EIF4EBP2: variants seen among roughly 807,000 people sequenced by gnomAD.
EIF4EBP2 encodes eukaryotic translation initiation factor 4E binding protein 2.
EIF4EBP2 carries 5 observed loss-of-function variants against 10.3 expected under a neutral mutation model. That is an observed-to-expected ratio of 0.48 (90% confidence interval 0.25 to 1.02). The LOEUF (loss-of-function observed/expected upper bound fraction) is 1.02, where lower values mean the gene tolerates loss of function less well. EIF4EBP2 is among the 50% of genes least tolerant of loss of function. The probability of loss-of-function intolerance (pLI) is 0.15; values close to 1 mark genes in which losing one functional copy is unlikely to be tolerated. For synonymous variants in EIF4EBP2, 67 were observed against 61.1 expected (o/e 1.10, Z -0.45); for missense variants, 188 against 162.2 (o/e 1.16, Z -0.86).
chr10:70,404,163 C>CGCCGCTGCT lies in EIF4EBP2; in HGVS notation c.-228_-220dup, dbSNP rs925643961. Among the ~76,000 whole-genome samples the CGCCGCTGCT allele has an allele frequency of 5.6e-4, 86 of 152,224 alleles. No homozygotes were observed. The highest frequency in any genetic ancestry group is 1.0e-3 in the South Asian group (5 of 4,834). ...TTCGCCCGCTTCCGGTCGTCGTCGTCGCCGCTGCTGCCGCTGCTGTTGCTC... is the reference window on the plus strand; with the variant it reads ...TTCGCCCGCTTCCGGTCGTCGTCGTCGCCGCTGCTGCCGCTGCTGCCGCTGCTGTTGCTC... On this transcript the variant is annotated 5_prime_UTR_variant, in exon 1 of 3. Coordinates refer to ENST00000373218, the MANE Select transcript of EIF4EBP2 (RefSeq NM_004096.5).
chr10:70,414,576 A>T (rs58212464), intron 1 of EIF4EBP2, among the ~76,000 whole-genome samples: 2,005 of 152,152 alleles, frequency 0.013, 37 homozygotes, highest in African/African-American at 0.046. Flanking sequence ...ATATAGAAAA[A>T]CCTGTTTTTG....
chr10:70,419,652 TG>T (rs1486594439), intron 1 of EIF4EBP2, among the ~76,000 whole-genome samples: 4 of 101,586 alleles, frequency 3.9e-5, no homozygotes, highest in Admixed American at 2.1e-4. Context: ...AAGTGAGGGG[TG>T]GGGGTGGCTT....
chr10:70,407,042 C>T (rs924542806), intron 1 of EIF4EBP2, among the ~76,000 whole-genome samples: 6 of 151,998 alleles, frequency 3.9e-5, no homozygotes, highest in South Asian at 4.2e-4. Flanking sequence ...GGGCTACAGG[C>T]GTCCACCACC....
At chr10:70,410,147 G>A (rs965918714) in intron 1 of EIF4EBP2, among the ~76,000 whole-genome samples, 9 of 151,854 alleles carry the variant, frequency 5.9e-5, no homozygotes, top group African/African-American at 1.9e-4. Flanking sequence ...TTGGCTCACC[G>A]CAACCTCCGC....
At chr10:70,407,856 GC>G in intron 1 of EIF4EBP2, among the ~76,000 whole-genome samples, 1 of 133,074 alleles carries the variant, frequency 7.5e-6, no homozygotes, top group African/African-American at 2.8e-5. Context: ...CGGGCGGGGG[GC>G]TGACCCCCCA....
intron 1 of EIF4EBP2, among the ~76,000 whole-genome samples, chr10:70,416,108 G>A (rs1017961479): frequency 2.6e-5 from 4 of 152,136 alleles, no homozygotes; most frequent in Admixed American, 6.6e-5. Context: ...TGGTGGAATG[G>A]CCTGTTAAGT....
intron 1 of EIF4EBP2, among the ~76,000 whole-genome samples, chr10:70,414,841 T>A (rs1845077135): frequency 6.6e-6 from 1 of 151,994 alleles, no homozygotes; most frequent in Non-Finnish European, 1.5e-5. Flanking sequence ...CACTCCCGCC[T>A]GGGCAGCAGA....
chr10:70,423,274 T>G lies in EIF4EBP2; in HGVS notation c.*1527T>G, dbSNP rs1195251462. ...TTGTCTCCCCTAGTCCCCCAGGAGCTCTTTCCTTTCCCCTCTAGTTTTGGG... is the reference window on the plus strand; with the variant it reads ...TTGTCTCCCCTAGTCCCCCAGGAGCGCTTTCCTTTCCCCTCTAGTTTTGGG... On this transcript the variant is annotated 3_prime_UTR_variant, in exon 3 of 3. Coordinates refer to ENST00000373218, the MANE Select transcript of EIF4EBP2 (RefSeq NM_004096.5). 1 of 152,720 alleles carries G rather than the reference T, an allele frequency of 6.5e-6. No homozygotes were observed. Among genetic ancestry groups the G allele is most frequent in the East Asian group, 1.9e-4 (1 of 5,202 alleles). 9.5% of individuals were successfully genotyped at this position (152,720 alleles called of 1,614,324 possible). A position where few individuals can be genotyped will look rare whatever the true frequency, so the allele number is the denominator to read the frequency against.
rs1844965114 is a variant in EIF4EBP2 at position 70,406,445 on chromosome 10, C to T, written c.145+1899C>T. Among the ~76,000 whole-genome samples the T allele has an allele frequency of 2.0e-5, 3 of 152,160 alleles. No homozygotes were observed. The South Asian group carries it at 6.2e-4, about 31-fold the overall frequency. On this transcript the variant is annotated intron_variant, in intron 1 of 2. Transcript: ENST00000373218. Reference sequence around the variant, plus strand: ...CTTTGTGGTATTGCTCAGTAAATGCCTGTGCTTCCAGAAGTTCAGAACACG... The same window carrying T: ...CTTTGTGGTATTGCTCAGTAAATGCTTGTGCTTCCAGAAGTTCAGAACACG...
intron 1 of EIF4EBP2, among the ~76,000 whole-genome samples, chr10:70,407,566 TC>T (rs1170413052): frequency 1.3e-5 from 2 of 151,776 alleles, no homozygotes; most frequent in African/African-American, 2.4e-5. Context: ...TCCCCACCTT[TC>T]CCCCCTTTCT....
At chr10:70,404,631 C>T (rs930492202) in intron 1 of EIF4EBP2, 85 bp downstream of exon 1, 3 of 1,390,054 alleles carry the variant, frequency 2.2e-6, no homozygotes, top group African/African-American at 1.5e-5. Context: ...GGCCGCTTCG[C>T]CCCCGCCCCC....
Position 70,420,042 on chromosome 10 carries a change from A to G in EIF4EBP2, c.274A>G (p.Lys92Glu). The change falls in exon 2 of 3, where the codon AAA becomes GAA. Residue 92 changes from lysine to glutamate, a missense_variant. Coordinates refer to ENST00000373218, the MANE Select transcript of EIF4EBP2 (RefSeq NM_004096.5). ...CCCTGGCACCTTAATTGAAGACTCC[A>G]AAGTAGAAGTAAACAATTTGAACAA... ...TSPGTLIEDSKVEVNNLNNLN... is the reference protein window; with the variant it reads ...TSPGTLIEDSEVEVNNLNNLN... 2 of 1,612,760 alleles carry G rather than the reference A, an allele frequency of 1.2e-6. No individual in the cohort carries two copies. Among genetic ancestry groups the G allele is most frequent in the Non-Finnish European group, 1.7e-6 (2 of 1,179,624 alleles).
chr10:70,406,199 C>CTTGAGAAA (rs1844963051), intron 1 of EIF4EBP2, among the ~76,000 whole-genome samples: 2 of 152,188 alleles, frequency 1.3e-5, no homozygotes, highest in African/African-American at 2.4e-5. Flanking sequence ...CCAGGCTCGT[C>CTTGAGAAA]CTGGGCTCAA....
intron 1 of EIF4EBP2, among the ~76,000 whole-genome samples, chr10:70,406,958 C>T (rs1012672786): frequency 1.3e-5 from 2 of 152,128 alleles, no homozygotes; most frequent in Non-Finnish European, 2.9e-5. Flanking sequence ...AGTGCAGTGG[C>T]GCGATCTCGG....
rs374605021 is a variant in EIF4EBP2 at position 70,418,464 on chromosome 10, A to C, written c.146-1450A>C. Among the ~76,000 whole-genome samples the C allele has an allele frequency of 4.7e-4, 71 of 152,362 alleles. No individual in the cohort carries two copies. The South Asian group carries it at 9.7e-3, about 21-fold the overall frequency. On this transcript the variant is annotated intron_variant, in intron 1 of 2. Transcript: ENST00000373218. ...GGGGTGCACCAGCACAACTTTGACC[A>C]TCCGAACTCTGTATAGTGATGTTCA...
At chr10:70,420,461 A>T (rs10999325) in intron 2 of EIF4EBP2, among the ~76,000 whole-genome samples, 1 of 152,042 alleles carries the variant, frequency 6.6e-6, no homozygotes, top group Non-Finnish European at 1.5e-5. Context: ...TCAGCCTCCC[A>T]AAGTGCTAGG....
At chr10:70,407,642 A>G (rs1034970623) in intron 1 of EIF4EBP2, among the ~76,000 whole-genome samples, 4 of 151,394 alleles carry the variant, frequency 2.6e-5, no homozygotes, top group African/African-American at 9.7e-5. Flanking sequence ...CACCTCCCAG[A>G]TGGGGTGGTG....
At chr10:70,406,068 A>G (rs555428541) in intron 1 of EIF4EBP2, among the ~76,000 whole-genome samples, 14 of 152,142 alleles carry the variant, frequency 9.2e-5, no homozygotes, top group East Asian at 3.9e-4. Flanking sequence ...TGCACTCTCT[A>G]CTTCCTGGGC....
intron 1 of EIF4EBP2, among the ~76,000 whole-genome samples, chr10:70,407,483 G>A (rs974369735): frequency 2.6e-5 from 4 of 152,036 alleles, no homozygotes; most frequent in Non-Finnish European, 5.9e-5. Context: ...TCTTAGTACA[G>A]AACAAAATGA....
Sources: allele counts gnomAD v4.1 joint callset (sites outside exome capture counted in the v4.1 genomes callset), GRCh38; gene constraint gnomAD v4.1.1; transcripts MANE v1.5; gene names NCBI Gene and HGNC (gene_info 2026-07-23, HGNC 2026-07-21).